Variants in ELAVL4 observed in about 807,000 individuals in gnomAD.
ELAVL4 encodes ELAV-like protein 4.
A neutral mutation model predicts 35.6 loss-of-function variants in ELAVL4; 1 was observed. The observed-to-expected ratio is 0.03, with a 90% confidence interval of 0.01 to 0.13. The LOEUF is 0.13. ELAVL4 is among the 10% of genes least tolerant of loss of function. ELAVL4 has a pLI of 1.00. For synonymous variants in ELAVL4, 156 were observed against 171.0 expected, an observed-to-expected ratio of 0.91 and a Z score of 0.69; for missense variants, 267 against 464.9, an observed-to-expected ratio of 0.57 and a Z score of 3.91.
At chr1:50,183,042 G>C (rs1681289329) in intron 3 of ELAVL4, among the ~76,000 whole-genome samples, 1 of 151,910 alleles carries the variant, frequency 6.6e-6, no homozygotes. Flanking sequence ...ATTTTTAGTA[G>C]AGACAGGGTT....
chr1:50,056,722 G>C (rs1663693233), intron 1 of ELAVL4, among the ~76,000 whole-genome samples: 1 of 152,132 alleles, frequency 6.6e-6, no homozygotes, highest in Non-Finnish European at 1.5e-5. Context: ...GGATCACGAG[G>C]TCAGATCGAG....
intron 1 of ELAVL4, among the ~76,000 whole-genome samples, chr1:50,077,613 T>A (rs182070642): frequency 6.6e-5 from 10 of 152,344 alleles, no homozygotes; most frequent in Admixed American, 6.5e-4. Context: ...TGACCAAATA[T>A]CTGGTCACCC....
chr1:50,137,172 T>G (rs78020101), intron 1 of ELAVL4, among the ~76,000 whole-genome samples: 1,598 of 152,104 alleles, frequency 0.011, 25 homozygotes, highest in African/African-American at 0.037. Flanking sequence ...GAAGGAACAG[T>G]TTGTGGACTT....
intron 1 of ELAVL4, among the ~76,000 whole-genome samples, chr1:50,054,186 T>A (rs1663541489): frequency 6.6e-6 from 1 of 152,356 alleles, no homozygotes; most frequent in East Asian, 1.9e-4. Context: ...TCTCTCCAAA[T>A]GCTTGTTGAA....
intron 1 of ELAVL4, among the ~76,000 whole-genome samples, chr1:50,058,053 T>A (rs1466455237): frequency 6.6e-6 from 1 of 152,212 alleles, no homozygotes; most frequent in Admixed American, 6.5e-5. Context: ...TAAAGGAAGC[T>A]TGAGTTATTT....
intron 2 of ELAVL4, among the ~76,000 whole-genome samples, chr1:50,160,490 T>G (rs1676609920): frequency 6.6e-6 from 1 of 152,202 alleles, no homozygotes; most frequent in Non-Finnish European, 1.5e-5. Context: ...AACTAAGATG[T>G]TAGAACATGG....
intron 1 of ELAVL4, among the ~76,000 whole-genome samples, chr1:50,124,325 C>T (rs1669525538): frequency 6.6e-6 from 1 of 152,102 alleles, no homozygotes; most frequent in African/African-American, 2.4e-5. Context: ...AATGACACAT[C>T]ACAATAATAG....
chr1:50,110,543 C>T (rs1249670401), intron 1 of ELAVL4, among the ~76,000 whole-genome samples: 4 of 152,178 alleles, frequency 2.6e-5, no homozygotes, highest in African/African-American at 9.7e-5. Flanking sequence ...TTGAGTGCCG[C>T]TTCTGTCGCC....
chr1:50,186,206 G>C (rs1355757122), intron 3 of ELAVL4, among the ~76,000 whole-genome samples: 1 of 152,126 alleles, frequency 6.6e-6, no homozygotes, highest in Non-Finnish European at 1.5e-5. Flanking sequence ...ATTCTTTCTG[G>C]CTTCTTCATC....
intron 1 of ELAVL4, among the ~76,000 whole-genome samples, chr1:50,142,524 C>T (rs1672997586): frequency 6.6e-6 from 1 of 152,066 alleles, no homozygotes. Flanking sequence ...TTTTAAATCA[C>T]CTGTTGTCTT....
rs368546700 is a variant in ELAVL4 at position 50,165,822 on chromosome 1, A to G, written c.251-11267A>G. On this transcript the variant is annotated intron_variant, in intron 2 of 6. Coordinates refer to ENST00000371824, the MANE Select transcript of ELAVL4 (RefSeq NM_001144774.3). Reference sequence around the variant, plus strand: ...TGTATATGTGTGTGTGTATATATATATGTGTGTGTGTATATATATATAAAG... The same window carrying G: ...TGTATATGTGTGTGTGTATATATATGTGTGTGTGTGTATATATATATAAAG... Among the ~76,000 whole-genome samples the G allele has an allele frequency of 3.0e-4, 46 of 151,120 alleles. 1 individual carries two copies. The East Asian group carries it at 5.1e-3, about 17-fold the overall frequency.
At position 50,201,160 on chromosome 1, in the gene ELAVL4, C is replaced by T. The variant is rs780719264; in HGVS notation, c.1083C>T (p.Asn361=). ...TGTTGCAAGTTTCCTTTAAAACCAACAAAGCCCACAAGTCCTGAATTTCCC... is the reference window on the plus strand; with the variant it reads ...TGTTGCAAGTTTCCTTTAAAACCAATAAAGCCCACAAGTCCTGAATTTCCC... ...DRVLQVSFKT[N]KAHKS Residue 361 remains asparagine, a synonymous_variant, in exon 7 of 7, where the codon AAC becomes AAT. Coordinates refer to ENST00000371824, the MANE Select transcript of ELAVL4 (RefSeq NM_001144774.3). The surrounding 1 kb of genome is among the most constrained non-coding windows in gnomAD (Gnocchi z 4.3). 3 of 1,592,696 alleles carry T rather than the reference C, an allele frequency of 1.9e-6. No individual in the cohort carries two copies. The highest frequency in any genetic ancestry group is 2.6e-6 in the Non-Finnish European group (3 of 1,169,670).
intron 2 of ELAVL4, among the ~76,000 whole-genome samples, chr1:50,172,509 C>A (rs1679195990): frequency 6.6e-6 from 1 of 152,030 alleles, no homozygotes; most frequent in Admixed American, 6.6e-5. Context: ...AGCTCATGGG[C>A]CAAATTGGGC....
intron 1 of ELAVL4, among the ~76,000 whole-genome samples, chr1:50,081,947 G>C (rs1572144976): frequency 6.6e-6 from 1 of 152,082 alleles, no homozygotes; most frequent in East Asian, 1.9e-4. Context: ...TTCTGTTCCT[G>C]TGTTAGTTTG....
At chr1:50,080,084 C>T (rs551821834) in intron 1 of ELAVL4, among the ~76,000 whole-genome samples, 1 of 152,276 alleles carries the variant, frequency 6.6e-6, no homozygotes, top group South Asian at 2.1e-4. Context: ...GAAGCACTTT[C>T]TTGACTGTCT....
intron 1 of ELAVL4, among the ~76,000 whole-genome samples, chr1:50,068,911 A>T (rs1006965028): frequency 2.0e-5 from 3 of 152,236 alleles, no homozygotes; most frequent in African/African-American, 7.2e-5. Context: ...TTTATTGACC[A>T]TAGAGCTGTA....
At chr1:50,071,687 C>T (rs907082171) in intron 1 of ELAVL4, among the ~76,000 whole-genome samples, 3 of 152,098 alleles carry the variant, frequency 2.0e-5, no homozygotes, top group African/African-American at 4.8e-5. Context: ...CTGAACATGA[C>T]GGAAACTGTA....
At chr1:50,075,566 G>A (rs1664723215) in intron 1 of ELAVL4, among the ~76,000 whole-genome samples, 1 of 152,180 alleles carries the variant, frequency 6.6e-6, no homozygotes, top group South Asian at 2.1e-4. Flanking sequence ...ATGGAGGCCT[G>A]GAAGGCTGCT....
chr1:50,177,637 G>A (rs1458805284), intron 3 of ELAVL4, among the ~76,000 whole-genome samples: 1 of 152,196 alleles, frequency 6.6e-6, no homozygotes, highest in African/African-American at 2.4e-5. Context: ...GTGAAAAGAT[G>A]AGGATGGGAG....
Sources: gnomAD v4.1 joint callset for allele counts (sites outside exome capture counted in the v4.1 genomes callset) on GRCh38, gnomAD v4.1.1 for gene constraint, Gnocchi (gnomAD v3.1) non-coding constraint, MANE v1.5 for transcripts, NCBI Gene and HGNC (gene_info 2026-07-23, HGNC 2026-07-21) for gene names.